The following PCDHGB6 variants were observed in gnomAD, a reference collection of about 807,000 sequenced individuals.
PCDHGB6 encodes protocadherin gamma subfamily B, 6, also known as protocadherin gamma-B6.
Under a neutral mutation model 59.1 loss-of-function variants are expected in PCDHGB6, and 51 were observed. The observed-to-expected ratio is 0.86, with a 90% CI of 0.69 to 1.09. The LOEUF (loss-of-function observed/expected upper bound fraction) is 1.09, where lower values mean the gene tolerates loss of function less well. PCDHGB6 is among the 50% of genes least tolerant of loss of function. The pLI is 0.00. For synonymous variants in PCDHGB6, 466 were observed against 495.1 expected (o/e 0.94, Z 0.78); for missense variants, 1,148 against 1,205.1 (o/e 0.95, Z 0.70).
chr5:141,441,852 G>T (rs1169073404), intron 1 of PCDHGB6: 2 of 352,708 alleles, frequency 5.7e-6, no homozygotes, highest in African/African-American at 2.2e-5. Flanking sequence ...TGGATATGGT[G>T]CTGCACGCCG....
intron 3 of PCDHGB6, 61 bp downstream of exon 3, chr5:141,505,542 A>G (rs2099846540): frequency 6.2e-7 from 1 of 1,604,832 alleles, no homozygotes; most frequent in African/African-American, 1.3e-5. Context: ...GGTGCATCTC[A>G]CAGCCACCAT....
chr5:141,422,432 A>G, intron 1 of PCDHGB6: 1 of 1,609,448 alleles, frequency 6.2e-7, no homozygotes, highest in Non-Finnish European at 8.5e-7. Context: ...TATGGAAATT[A>G]TTACAAATTG....
intron 1 of PCDHGB6, chr5:141,419,742 T>C (rs1388509503): frequency 2.5e-5 from 41 of 1,613,742 alleles, no homozygotes; most frequent in Non-Finnish European, 3.5e-5. Context: ...GAGGTGCGCA[T>C]GGTGCGTGCT....
chr5:141,474,608 T>G (rs1469173973), intron 1 of PCDHGB6, among the ~76,000 whole-genome samples: 1 of 152,268 alleles, frequency 6.6e-6, no homozygotes, highest in Non-Finnish European at 1.5e-5. Flanking sequence ...AGGTCACATA[T>G]GGCTTTTCAT....
chr5:141,440,818 C>T (rs906112291), intron 1 of PCDHGB6: 2 of 152,124 alleles, frequency 1.3e-5, no homozygotes, highest in Non-Finnish European at 2.9e-5. Flanking sequence ...TCACTCAACT[C>T]CTGATCCTAT....
chr5:141,487,196 G>A lies in PCDHGB6; in HGVS notation c.2419-7611G>A. On this transcript the variant is annotated intron_variant, in intron 1 of 3. Coordinates refer to ENST00000520790, the MANE Select transcript of PCDHGB6 (RefSeq NM_018926.3). This position sits in a 1 kb window ranked among gnomAD's most constrained non-coding sequence, Gnocchi z 5.0. Reference sequence around the variant, plus strand: ...GGAAGACACTCATCCAGTTGTCCCAGATCTTCGAGAATCTTCAGCTCCAAG... The same window carrying A: ...GGAAGACACTCATCCAGTTGTCCCAAATCTTCGAGAATCTTCAGCTCCAAG... The A allele has an allele frequency of 1.2e-6, 2 of 1,613,878 alleles. No homozygotes were observed. The highest frequency in any genetic ancestry group is 8.5e-7 in the Non-Finnish European group (1 of 1,179,796).
chr5:141,483,538 G>C (rs571240759), intron 1 of PCDHGB6, among the ~76,000 whole-genome samples: 1 of 152,230 alleles, frequency 6.6e-6, no homozygotes, highest in African/African-American at 2.4e-5. Flanking sequence ...AAGCTGGGTG[G>C]TTGACAGTGC....
intron 1 of PCDHGB6, chr5:141,423,809 GT>G (rs1484832928): frequency 7.9e-7 from 1 of 1,259,912 alleles, no homozygotes; most frequent in African/African-American, 1.6e-5. Context: ...ATACATGTGA[GT>G]TTTACTTTGC....
chr5:141,452,884 A>C (rs746547069), intron 1 of PCDHGB6, among the ~76,000 whole-genome samples: 1 of 152,204 alleles, frequency 6.6e-6, no homozygotes, highest in Non-Finnish European at 1.5e-5. Flanking sequence ...GTAATAATTT[A>C]TTCCACTTTT....
At chr5:141,421,241 T>C in intron 1 of PCDHGB6, 1 of 1,600,982 alleles carries the variant, frequency 6.2e-7, no homozygotes, top group Non-Finnish European at 8.5e-7. Flanking sequence ...GCGAATCGGC[T>C]ACAGCGCGGG....
chr5:141,413,418 G>C (rs748857146), intron 1 of PCDHGB6: 1 of 1,614,084 alleles, frequency 6.2e-7, no homozygotes, highest in Admixed American at 1.7e-5. Context: ...TTTTCTCTCT[G>C]AACCCGCGCA....
chr5:141,488,441 C>T (rs1320712074), intron 1 of PCDHGB6, among the ~76,000 whole-genome samples: 1 of 152,206 alleles, frequency 6.6e-6, no homozygotes, highest in Non-Finnish European at 1.5e-5. Flanking sequence ...TGACCACCCT[C>T]CTGGGTGACC....
At position 141,486,230 on chromosome 5, in the gene PCDHGB6, A is replaced by G. The variant is rs1463946178; in HGVS notation, c.2419-8577A>G. ...TGACAATGCCCCTTACATCACAGTG[A>G]CCTCAGAGCTTGGAACCCTCCCCGA... On this transcript the variant is annotated intron_variant, in intron 1 of 3. Coordinates refer to ENST00000520790, the MANE Select transcript of PCDHGB6 (RefSeq NM_018926.3). This position sits in a 1 kb window ranked among gnomAD's most constrained non-coding sequence, Gnocchi z 5.0. 2 of 1,613,898 alleles carry G rather than the reference A, an allele frequency of 1.2e-6. No individual in the cohort carries two copies. The highest frequency in any genetic ancestry group is 2.2e-5 in the East Asian group (1 of 44,878).
At chr5:141,414,395 G>GAAAAGTCC (rs1226242642) in intron 1 of PCDHGB6, 1 of 1,613,924 alleles carries the variant, frequency 6.2e-7, no homozygotes, top group South Asian at 1.1e-5. Context: ...AGTTATTACA[G>GAAAAGTCC]ATTGGTGATA....
At chr5:141,488,198 G>C (rs1007623840) in intron 1 of PCDHGB6, among the ~76,000 whole-genome samples, 1 of 152,166 alleles carries the variant, frequency 6.6e-6, no homozygotes, top group Non-Finnish European at 1.5e-5. Flanking sequence ...CTGGGTCTTA[G>C]GACTCATATC....
chr5:141,477,438 C>A lies in PCDHGB6; in HGVS notation c.2419-17369C>A, dbSNP rs1386997844. The A allele has an allele frequency of 3.1e-6, 5 of 1,614,174 alleles. No individual in the cohort carries two copies. The Admixed American group carries it at 6.7e-5, about 22-fold the overall frequency. On this transcript the variant is annotated intron_variant, in intron 1 of 3. Coordinates refer to ENST00000520790, the MANE Select transcript of PCDHGB6 (RefSeq NM_018926.3). The surrounding 1 kb of genome is among the most constrained non-coding windows in gnomAD (Gnocchi z 4.9). ...GGAACCCCTTCCCTCTCAGCCCTTA[C>A]AATAGTGCGTGTTCAAGTGTCCGAC...
intron 1 of PCDHGB6, among the ~76,000 whole-genome samples, chr5:141,438,517 T>G (rs975190211): frequency 6.7e-6 from 1 of 148,384 alleles, no homozygotes; most frequent in Non-Finnish European, 1.5e-5. Context: ...AAACCAATTA[T>G]TTTACATGGA....
intron 1 of PCDHGB6, chr5:141,423,846 C>G: frequency 1.6e-6 from 2 of 1,278,968 alleles, no homozygotes; most frequent in Non-Finnish European, 2.0e-6. Flanking sequence ...GATAATCTTT[C>G]AGAACGTTTT....
Position 141,477,395 on chromosome 5 carries a change from A to G in PCDHGB6, c.2419-17412A>G. The G allele has an allele frequency of 1.9e-6, 3 of 1,614,126 alleles. No individual in the cohort carries two copies. The highest frequency in any genetic ancestry group is 1.3e-5 in the African/African-American group (1 of 75,020). ...GACTGTGCCAGAATACAACCTCAGC[A>G]TCACCGCCCGAGACGCCGGAACCCC... On this transcript the variant is annotated intron_variant, in intron 1 of 3. Transcript: ENST00000520790. The surrounding 1 kb of genome is among the most constrained non-coding windows in gnomAD (Gnocchi z 4.9).
Sources: allele counts gnomAD v4.1 joint callset (sites outside exome capture counted in the v4.1 genomes callset), GRCh38; gene constraint gnomAD v4.1.1; non-coding constraint Gnocchi (gnomAD v3.1); transcripts MANE v1.5; gene names NCBI Gene and HGNC (gene_info 2026-07-23, HGNC 2026-07-21).